Variants in FBXO47 observed in about 807,000 individuals in gnomAD.
FBXO47 encodes the protein F-box only protein 47.
Under a neutral mutation model 53.9 loss-of-function variants are expected in FBXO47, and 34 were observed. The ratio of observed to expected loss-of-function variants is 0.63; its 90% CI spans 0.48 to 0.84. FBXO47 has a LOEUF of 0.84. Ranked by LOEUF, FBXO47 falls within the 40% of genes least tolerant of loss-of-function variation. The probability of loss-of-function intolerance (pLI) is 0.00; values close to 1 mark genes in which losing one functional copy is unlikely to be tolerated. For synonymous variants in FBXO47, 165 were observed against 181.6 expected, an observed-to-expected ratio of 0.91 and a Z score of 0.73; for missense variants, 485 against 541.3, an observed-to-expected ratio of 0.90 and a Z score of 1.03.
At chr17:38,963,133 G>A (rs1852573969) in intron 1 of FBXO47, 82 bp from the exon 2 acceptor site, 1 of 876,986 alleles carries the variant, frequency 1.1e-6, no homozygotes, top group Non-Finnish European at 1.8e-6. Flanking sequence ...AAACGAAGAG[G>A]TTGATAGTAC....
At chr17:38,954,439 T>G (rs1905453858) in intron 5 of FBXO47, among the ~76,000 whole-genome samples, 1 of 152,200 alleles carries the variant, frequency 6.6e-6, no homozygotes, top group Admixed American at 6.5e-5. Flanking sequence ...AGTCAAAATG[T>G]TCTTGAAATA....
chr17:38,951,185 C>A lies in FBXO47; in HGVS notation c.616+396G>T, dbSNP rs141204785. ...GGATTGCAGCTGTGAGCCACGGCAC[C>A]TGGCCCACTATTTATTTTTTTATTT... On this transcript the variant is annotated intron_variant, in intron 6 of 10. Transcript: ENST00000378079. Among the ~76,000 whole-genome samples, 1,178 of 152,184 alleles carry A rather than the reference C, an allele frequency of 7.7e-3. 9 individuals carry two copies. Among genetic ancestry groups the A allele is most frequent in the African/African-American group, 0.024 (996 of 41,522 alleles).
intron 1 of FBXO47, among the ~76,000 whole-genome samples, chr17:38,964,384 T>C (rs1567723993): frequency 6.6e-6 from 1 of 152,000 alleles, no homozygotes; most frequent in Non-Finnish European, 1.5e-5. Context: ...TCACCTGAGG[T>C]CAGGAGTTCG....
chr17:38,936,907 T>C lies in FBXO47; in HGVS notation c.*268A>G, dbSNP rs1031731893. ...GTCCCAGATTCTTGAACAGCTAACA[T>C]TCTATTTTGGTTTGGTGTTAGGTTG... is the stretch of plus-strand genomic sequence containing the variant. On this transcript the variant is annotated 3_prime_UTR_variant, in exon 11 of 11. Coordinates refer to ENST00000378079, the MANE Select transcript of FBXO47 (RefSeq NM_001008777.3). The C allele has an allele frequency of 7.2e-6, 2 of 276,200 alleles. No individual in the cohort carries two copies. The highest frequency in any genetic ancestry group is 1.3e-5 in the Non-Finnish European group (2 of 149,758). 17.1% of individuals were successfully genotyped at this position (276,200 alleles called of 1,614,324 possible).
intron 6 of FBXO47, among the ~76,000 whole-genome samples, chr17:38,946,863 A>G (rs1312706436): frequency 8.6e-6 from 1 of 116,588 alleles, no homozygotes; most frequent in African/African-American, 3.5e-5. Flanking sequence ...AATATATATA[A>G]ATATATAAAC....
chr17:38,957,238 CT>C lies in FBXO47; in HGVS notation c.367del (p.Arg123AspfsTer12). The part of the protein sequence containing the change: ...HYRSLGLLFK[R>X]CTLLLPTKER... ...CTTGGTGGGTAGCAGCAATGTGCAT[CT>C]TTTAAACAGTAGACCTAAGAAAGTA... On this transcript the variant is annotated frameshift_variant, in exon 4 of 11. Coordinates refer to ENST00000378079, the MANE Select transcript of FBXO47 (RefSeq NM_001008777.3). LOFTEE classifies it high-confidence loss of function. The C allele has an allele frequency of 6.2e-7, 1 of 1,610,162 alleles. No homozygotes were observed.
intron 3 of FBXO47, among the ~76,000 whole-genome samples, chr17:38,958,472 G>GA (rs148326204): frequency 0.35 from 48,773 of 137,484 alleles, 8,314 homozygotes; most frequent in East Asian, 0.51. Flanking sequence ...ACTTTAAAAA[G>GA]AAAAAAAAAA....
At chr17:38,947,190 C>T (rs1283443083) in intron 6 of FBXO47, among the ~76,000 whole-genome samples, 2 of 149,886 alleles carry the variant, frequency 1.3e-5, no homozygotes, top group Non-Finnish European at 3.0e-5. Context: ...ATCCCAGCTA[C>T]TCAGGAGGCT....
At chr17:38,957,151 A>G (rs765221239) in intron 4 of FBXO47, 26 bp downstream of exon 4, 8 of 1,416,166 alleles carry the variant, frequency 5.6e-6, no homozygotes, top group Non-Finnish European at 8.0e-6. Context: ...TCAAGATTGT[A>G]AACTAATTTA....
chr17:38,963,559 A>T (rs1305306877), intron 1 of FBXO47, among the ~76,000 whole-genome samples: 1 of 152,174 alleles, frequency 6.6e-6, no homozygotes, highest in African/African-American at 2.4e-5. Context: ...GAACAAAAAA[A>T]GTCAGTACTC....
At chr17:38,948,219 T>C (rs923065930) in intron 6 of FBXO47, among the ~76,000 whole-genome samples, 24 of 147,526 alleles carry the variant, frequency 1.6e-4, no homozygotes, top group Non-Finnish European at 3.0e-4. Context: ...TTTTTTTTTT[T>C]TTTTTTTTTT....
intron 1 of FBXO47, among the ~76,000 whole-genome samples, chr17:38,966,444 C>T (rs1906134245): frequency 6.6e-6 from 1 of 152,198 alleles, no homozygotes; most frequent in Non-Finnish European, 1.5e-5. Flanking sequence ...TCGTGATCCG[C>T]CTGCCCCGGC....
At chr17:38,953,392 A>G (rs1251376172) in intron 5 of FBXO47, among the ~76,000 whole-genome samples, 4 of 152,056 alleles carry the variant, frequency 2.6e-5, no homozygotes, top group Non-Finnish European at 5.9e-5. Context: ...TGGGAGGCTG[A>G]GGTGGGCAGA....
At chr17:38,964,994 C>T (rs1028821857) in intron 1 of FBXO47, among the ~76,000 whole-genome samples, 2 of 151,850 alleles carry the variant, frequency 1.3e-5, no homozygotes, top group African/African-American at 4.8e-5. Context: ...GGATTACAGG[C>T]GTGTGCTACC....
At chr17:38,946,069 T>A (rs1243464969) in intron 6 of FBXO47, among the ~76,000 whole-genome samples, 4 of 127,922 alleles carry the variant, frequency 3.1e-5, no homozygotes, top group Non-Finnish European at 6.3e-5. Flanking sequence ...TACATAAATA[T>A]ATATTTATAT....
Position 38,960,701 on chromosome 17 carries a change from G to C in FBXO47, c.352+1176C>G, listed in dbSNP as rs190136699. 1.4e-3 allele frequency among the ~76,000 whole-genome samples: 199 copies of C among 147,090 alleles called. 1 individual carries two copies. The highest frequency in any genetic ancestry group is 4.8e-3 in the African/African-American group (190 of 39,474). On this transcript the variant is annotated intron_variant, in intron 3 of 10. Coordinates refer to ENST00000378079, the MANE Select transcript of FBXO47 (RefSeq NM_001008777.3). ...GGCTGGAGTGCAGTGGCGTGACCTC[G>C]GCTCACTGCAACCTCCATCTCCTGG...
At chr17:38,961,786 C>T (rs559671450) in intron 3 of FBXO47, 91 bp downstream of exon 3, 2 of 1,125,154 alleles carry the variant, frequency 1.8e-6, no homozygotes, top group African/African-American at 3.2e-5. Flanking sequence ...GAATATATTC[C>T]ATTTCCTACT....
chr17:38,959,740 G>A (rs773473509), intron 3 of FBXO47, among the ~76,000 whole-genome samples: 2 of 151,530 alleles, frequency 1.3e-5, no homozygotes, highest in African/African-American at 2.4e-5. Flanking sequence ...CAACCTCTGC[G>A]GCTCAAGTAA....
intron 1 of FBXO47, among the ~76,000 whole-genome samples, chr17:38,966,170 G>A (rs1452764112): frequency 6.6e-6 from 1 of 151,950 alleles, no homozygotes; most frequent in Non-Finnish European, 1.5e-5. Context: ...TAATCCATAA[G>A]GCTGTTTGTA....
Sources: gnomAD v4.1 joint callset for allele counts (sites outside exome capture counted in the v4.1 genomes callset) on GRCh38, gnomAD v4.1.1 for gene constraint, MANE v1.5 for transcripts, NCBI Gene and HGNC (gene_info 2026-07-23, HGNC 2026-07-21) for gene names.